MAGI1: variants seen among roughly 807,000 people sequenced by gnomAD.
MAGI1 encodes membrane associated guanylate kinase, WW and PDZ domain containing 1.
Under a neutral mutation model 139.9 loss-of-function variants are expected in MAGI1, and 58 were observed. That is an observed-to-expected ratio of 0.41 (90% confidence interval 0.34 to 0.52). The LOEUF (loss-of-function observed/expected upper bound fraction) is 0.52. MAGI1 is among the 20% of genes least tolerant of loss of function. The pLI is 0.12. For missense variants in MAGI1, 1,874 were observed against 1,901.6 expected (o/e 0.99, Z 0.27); for synonymous variants, 812 against 737.9 (o/e 1.10, Z -1.63).
chr3:65,450,881 T>C (rs1005430444), intron 6 of MAGI1, among the ~76,000 whole-genome samples: 8 of 152,250 alleles, frequency 5.3e-5, no homozygotes, highest in East Asian at 1.9e-4. Flanking sequence ...TATGTTTTTC[T>C]GCTTTGTGTT....
At chr3:65,358,030 G>A (rs2106686650) in intron 22 of MAGI1, among the ~76,000 whole-genome samples, 1 of 152,226 alleles carries the variant, frequency 6.6e-6, no homozygotes, top group African/African-American at 2.4e-5. Flanking sequence ...TTGGTTTAGA[G>A]GCATTTTTTC....
At chr3:66,012,265 A>T (rs148624113) in intron 1 of MAGI1, among the ~76,000 whole-genome samples, 45 of 152,206 alleles carry the variant, frequency 3.0e-4, no homozygotes, top group African/African-American at 1.0e-3. Flanking sequence ...CTTAGAAATT[A>T]TTTTTTTAGC....
At chr3:65,823,236 C>T (rs1046693072) in intron 1 of MAGI1, among the ~76,000 whole-genome samples, 2 of 152,068 alleles carry the variant, frequency 1.3e-5, no homozygotes, top group Non-Finnish European at 2.9e-5. Flanking sequence ...TGGGCCTGGA[C>T]AGAATTAAGC....
chr3:65,721,190 C>T (rs2032974742), intron 1 of MAGI1, among the ~76,000 whole-genome samples: 1 of 152,156 alleles, frequency 6.6e-6, no homozygotes, highest in Non-Finnish European at 1.5e-5. Flanking sequence ...TCCCAGCATA[C>T]ACTGGAATTC....
At chr3:66,032,564 G>T (rs921163790) in intron 1 of MAGI1, among the ~76,000 whole-genome samples, 2 of 151,606 alleles carry the variant, frequency 1.3e-5, no homozygotes, top group Non-Finnish European at 2.9e-5. Context: ...CAGTGAACAA[G>T]AGAGACAAGC....
At chr3:65,793,116 G>A (rs2039898239) in intron 1 of MAGI1, among the ~76,000 whole-genome samples, 1 of 152,202 alleles carries the variant, frequency 6.6e-6, no homozygotes, top group African/African-American at 2.4e-5. Flanking sequence ...AACTGTCTCT[G>A]AAGAAGTCAT....
At chr3:65,460,180 G>A (rs532171954) in intron 5 of MAGI1, among the ~76,000 whole-genome samples, 104 of 152,292 alleles carry the variant, frequency 6.8e-4, no homozygotes, top group Non-Finnish European at 1.0e-3. Context: ...TGTTAACATG[G>A]TGGGTTACAC....
At chr3:65,856,154 G>T (rs538659004) in intron 1 of MAGI1, among the ~76,000 whole-genome samples, 2 of 152,034 alleles carry the variant, frequency 1.3e-5, no homozygotes, top group African/African-American at 2.4e-5. Flanking sequence ...CTTATATTTC[G>T]ATTTAAATAG....
chr3:65,478,842 T>A (rs768838432), intron 3 of MAGI1, 44 bp from the exon 4 acceptor site: 1 of 1,473,924 alleles, frequency 6.8e-7, no homozygotes, highest in Non-Finnish European at 9.4e-7. Flanking sequence ...AAAGGAATAC[T>A]TTGTGTTTTT....
chr3:65,452,824 G>C (rs1949117973), intron 6 of MAGI1: 1 of 159,678 alleles, frequency 6.3e-6, no homozygotes, highest in Admixed American at 6.0e-5. Flanking sequence ...TCCAAGACTA[G>C]GGAAGTATGT....
chr3:65,738,742 G>A (rs1251299590), intron 1 of MAGI1, among the ~76,000 whole-genome samples: 1 of 152,192 alleles, frequency 6.6e-6, no homozygotes, highest in Non-Finnish European at 1.5e-5. Flanking sequence ...TTGTCGATGA[G>A]TAGCAGTAAC....
At chr3:65,611,208 C>G (rs1474999489) in intron 2 of MAGI1, among the ~76,000 whole-genome samples, 2 of 139,784 alleles carry the variant, frequency 1.4e-5, no homozygotes, top group Admixed American at 1.5e-4. Context: ...TGTGTATACA[C>G]ACGTGTAGTA....
chr3:65,551,272 G>A (rs188255836), intron 2 of MAGI1, among the ~76,000 whole-genome samples: 4 of 152,242 alleles, frequency 2.6e-5, no homozygotes, highest in African/African-American at 9.6e-5. Flanking sequence ...CAGCCATGAG[G>A]AACTGTGAGT....
intron 1 of MAGI1, among the ~76,000 whole-genome samples, chr3:65,928,543 A>G (rs1309507335): frequency 6.6e-6 from 1 of 152,146 alleles, no homozygotes; most frequent in African/African-American, 2.4e-5. Context: ...AGGAATCTCA[A>G]CTACATCTCT....
chr3:65,571,178 G>A (rs758114430), intron 2 of MAGI1, among the ~76,000 whole-genome samples: 57 of 152,048 alleles, frequency 3.7e-4, no homozygotes, highest in Non-Finnish European at 3.5e-4. Context: ...AGGGATTAAC[G>A]GCTTGGAAAA....
rs1198553953 is a variant in MAGI1, at chr3:65,950,603, ACT to A, written c.313+87391_313+87392del. On this transcript the variant is annotated intron_variant, in intron 1 of 22. Coordinates refer to ENST00000402939, the MANE Select transcript of MAGI1 (RefSeq NM_001033057.2). ...TACTAAAAATCCCTATGTAAATTAA[ACT>A]CTGTTGTTATACCAAAGATTGCTCA... Among the ~76,000 whole-genome samples, 8 of 152,154 alleles carry A rather than the reference ACT, an allele frequency of 5.3e-5. No individual in the cohort carries two copies. The East Asian group carries it at 1.5e-3, about 29-fold the overall frequency.
rs1224971824 is a variant in MAGI1 at position 65,387,303 on chromosome 3, T to A, written c.2417-3680A>T. ...TAGTTCACTTTAATTTAGTTTTGATTGATAAGGAACAGTCAGTTCAGCTTT... is the reference window on the plus strand; with the variant it reads ...TAGTTCACTTTAATTTAGTTTTGATAGATAAGGAACAGTCAGTTCAGCTTT... On this transcript the variant is annotated intron_variant, in intron 14 of 22. Transcript: ENST00000402939. 3 of 1,089,228 alleles carry A rather than the reference T, an allele frequency of 2.8e-6. 1 individual carries two copies. The highest frequency in any genetic ancestry group is 4.0e-4 in the Middle Eastern group (2 of 5,030). The allele number at this position is 1,089,228 out of a possible 1,614,324, so 67.5% of individuals were successfully genotyped here. A position where few individuals can be genotyped will look rare whatever the true frequency, so the allele number is the denominator to read the frequency against.
intron 1 of MAGI1, chr3:65,874,586 C>T (rs1458393870): frequency 6.6e-6 from 1 of 152,156 alleles, no homozygotes; most frequent in African/African-American, 2.4e-5. Context: ...CTTCATACAC[C>T]TTTGATTGGT....
chr3:65,400,308 G>C (rs1944753980), intron 13 of MAGI1, among the ~76,000 whole-genome samples: 1 of 152,146 alleles, frequency 6.6e-6, no homozygotes, highest in African/African-American at 2.4e-5. Flanking sequence ...TTTCTCTTTG[G>C]AGAACTTAGG....
Sources: allele counts gnomAD v4.1 joint callset (sites outside exome capture counted in the v4.1 genomes callset), GRCh38; gene constraint gnomAD v4.1.1; transcripts MANE v1.5; gene names NCBI Gene and HGNC (gene_info 2026-07-23, HGNC 2026-07-21).